Variants in SENP7 observed in about 807,000 individuals in gnomAD.
The protein encoded by SENP7 is SUMO specific peptidase 7, also known as sentrin-specific protease 7.
SENP7 carries 64 observed loss-of-function variants against 141.2 expected under a neutral mutation model. The ratio of observed to expected loss-of-function variants is 0.45; its 90% CI spans 0.37 to 0.56. SENP7 has a LOEUF of 0.56. Among genes scored for constraint, SENP7 ranks in the 20% least tolerant of loss-of-function variants. The pLI, the probability that SENP7 is intolerant of heterozygous loss-of-function variation, is 0.00. For synonymous variants in SENP7, 382 were observed against 426.4 expected (o/e 0.90, Z 1.28); for missense variants, 1,025 against 1,212.2 (o/e 0.85, Z 2.29).
chr3:101,395,882 G>C (rs572929949), intron 6 of SENP7, among the ~76,000 whole-genome samples: 1 of 152,258 alleles, frequency 6.6e-6, no homozygotes, highest in African/African-American at 2.4e-5. Flanking sequence ...ACCAATAAGA[G>C]AGACACAAAA....
In SENP7 at chr3:101,357,919, G is replaced by T. The variant is rs1416410426; in HGVS notation, c.1623+3796C>A. The T allele has an allele frequency of 8.1e-6, 5 of 620,440 alleles. No homozygotes were observed. In the East Asian group the frequency reaches 1.4e-4, roughly 18 times the overall value. The allele number at this position is 620,440 out of a possible 1,614,324, so 38.4% of individuals were successfully genotyped here. A position where few individuals can be genotyped will look rare whatever the true frequency, so the allele number is the denominator to read the frequency against. ...CACATAAGATAATTCACACTGGAGA[G>T]AAACCCTACAGATGTAGAGAACGTG... On this transcript the variant is annotated intron_variant, in intron 11 of 23. Transcript: ENST00000394095.
At chr3:101,340,588 G>A (rs188371021) in intron 15 of SENP7, among the ~76,000 whole-genome samples, 2 of 152,068 alleles carry the variant, frequency 1.3e-5, no homozygotes, top group South Asian at 2.1e-4. Context: ...TCCTTTCTCC[G>A]CTTTCTAAGT....
intron 3 of SENP7, among the ~76,000 whole-genome samples, chr3:101,466,239 A>G (rs746565263): frequency 5.3e-5 from 8 of 152,246 alleles, no homozygotes; most frequent in African/African-American, 9.6e-5. Flanking sequence ...CAAGTCTTGC[A>G]AAAGACAAAA....
chr3:101,336,336 C>T (rs1394157165), intron 17 of SENP7, among the ~76,000 whole-genome samples: 2 of 152,128 alleles, frequency 1.3e-5, no homozygotes, highest in African/African-American at 2.4e-5. Context: ...CCTCTTCTAA[C>T]TCTTGTTTAT....
chr3:101,471,922 C>T (rs1433506681), intron 3 of SENP7, among the ~76,000 whole-genome samples: 6 of 152,196 alleles, frequency 3.9e-5, no homozygotes, highest in African/African-American at 9.7e-5. Flanking sequence ...CACTGGTCAT[C>T]AGAGAAATGC....
intron 4 of SENP7, among the ~76,000 whole-genome samples, chr3:101,431,508 C>CTTTTTTT (rs56937965): frequency 9.6e-5 from 8 of 82,904 alleles, no homozygotes; most frequent in African/African-American, 2.0e-4. Flanking sequence ...GCAACCCCTG[C>CTTTTTTT]TTTTTTTTTT....
intron 3 of SENP7, among the ~76,000 whole-genome samples, chr3:101,465,858 CTAAG>C (rs1289116475): frequency 3.3e-5 from 5 of 151,872 alleles, no homozygotes. Flanking sequence ...ACAAAAGAAA[CTAAG>C]TGAGATATTT....
At chr3:101,449,848 T>A (rs1421998765) in intron 4 of SENP7, among the ~76,000 whole-genome samples, 1 of 152,106 alleles carries the variant, frequency 6.6e-6, no homozygotes, top group African/African-American at 2.4e-5. Context: ...AATGACAGGA[T>A]CAAATTCACA....
intron 3 of SENP7, among the ~76,000 whole-genome samples, chr3:101,479,991 G>C (rs938094082): frequency 7.1e-6 from 1 of 141,318 alleles, no homozygotes; most frequent in Non-Finnish European, 1.5e-5. Context: ...AGACCTCCAT[G>C]AGGAAAACTA....
At chr3:101,442,146 T>C (rs919828487) in intron 4 of SENP7, among the ~76,000 whole-genome samples, 8 of 152,126 alleles carry the variant, frequency 5.3e-5, no homozygotes, top group African/African-American at 1.7e-4. Flanking sequence ...CAAGAAAGCA[T>C]GACACCTCCA....
chr3:101,489,464 A>C (rs2108082643), intron 3 of SENP7, among the ~76,000 whole-genome samples: 1 of 127,396 alleles, frequency 7.8e-6, no homozygotes, highest in South Asian at 2.7e-4. Context: ...GGAAAGAGAC[A>C]GATCTACCAT....
At chr3:101,353,663 A>G (rs1040558743) in intron 11 of SENP7, among the ~76,000 whole-genome samples, 1 of 152,068 alleles carries the variant, frequency 6.6e-6, no homozygotes, top group South Asian at 2.1e-4. Flanking sequence ...TGAATATAGT[A>G]TTACTTAATT....
intron 6 of SENP7, among the ~76,000 whole-genome samples, chr3:101,383,441 G>A (rs1053714156): frequency 2.1e-4 from 32 of 152,190 alleles, no homozygotes; most frequent in African/African-American, 7.2e-4. Flanking sequence ...AGGGGCGGGA[G>A]TCCTGCCTTC....
chr3:101,467,456 T>A (rs1205199355), intron 3 of SENP7, among the ~76,000 whole-genome samples: 1 of 152,160 alleles, frequency 6.6e-6, no homozygotes, highest in Non-Finnish European at 1.5e-5. Flanking sequence ...CTCATATAGG[T>A]GGCTGCCCCT....
At chr3:101,387,726 C>A (rs1344338070) in intron 6 of SENP7, among the ~76,000 whole-genome samples, 1 of 152,214 alleles carries the variant, frequency 6.6e-6, no homozygotes. Flanking sequence ...AAGTCATTAC[C>A]CCCATGATTC....
intron 3 of SENP7, among the ~76,000 whole-genome samples, chr3:101,477,126 G>T (rs1421397836): frequency 1.3e-5 from 2 of 152,020 alleles, no homozygotes; most frequent in Non-Finnish European, 2.9e-5. Context: ...TGTCAATTTT[G>T]GCTTTTGTTG....
chr3:101,463,370 T>TATATATATATATATATAC (rs2063623406), intron 3 of SENP7, among the ~76,000 whole-genome samples: 2 of 83,670 alleles, frequency 2.4e-5, no homozygotes, highest in Non-Finnish European at 4.5e-5. Context: ...AATAAATATA[T>TATATATATATATATATAC]ATATATATAT....
chr3:101,511,725 CACTCTCCTTTGCAAT>C (rs2065865618), intron 1 of SENP7, among the ~76,000 whole-genome samples: 3 of 152,358 alleles, frequency 2.0e-5, no homozygotes, highest in African/African-American at 7.2e-5. Flanking sequence ...GATCCATAAT[CACTCTCCTTTGCAAT>C]TAAGGCTGAA....
At chr3:101,448,268 T>A (rs1300642174) in intron 4 of SENP7, among the ~76,000 whole-genome samples, 3 of 152,084 alleles carry the variant, frequency 2.0e-5, no homozygotes, top group Non-Finnish European at 4.4e-5. Context: ...TTTAAAAACT[T>A]TTATGTTTCA....
Sources: allele counts gnomAD v4.1 joint callset (sites outside exome capture counted in the v4.1 genomes callset), GRCh38; gene constraint gnomAD v4.1.1; transcripts MANE v1.5; gene names NCBI Gene and HGNC (gene_info 2026-07-23, HGNC 2026-07-21).